Variants in ATXN7L3 observed in about 807,000 individuals in gnomAD.
ATXN7L3 encodes the protein ataxin 7 like 3.
In ATXN7L3, 6 loss-of-function variants were observed where a neutral mutation model predicts 50.0. That is an observed-to-expected ratio of 0.12 (90% confidence interval 0.07 to 0.24). The LOEUF (loss-of-function observed/expected upper bound fraction) is 0.24. Among genes scored for constraint, ATXN7L3 ranks in the 10% least tolerant of loss-of-function variants. The pLI, the probability that ATXN7L3 is intolerant of heterozygous loss-of-function variation, is 1.00. For missense variants in ATXN7L3, 322 were observed against 451.3 expected (o/e 0.71, Z 2.60); for synonymous variants, 198 against 165.8 (o/e 1.19, Z -1.49).
chr17:44,194,917 GCA>G, intron 10 of ATXN7L3, 78 bp from the exon 11 acceptor site: 4 of 1,542,318 alleles, frequency 2.6e-6, no homozygotes, highest in Non-Finnish European at 3.6e-6. Context: ...GGAGCCACAG[GCA>G]CAGACAGGGA....
At chr17:44,196,481 A>T in intron 5 of ATXN7L3, 63 bp from the exon 6 acceptor site, 2 of 1,596,230 alleles carry the variant, frequency 1.3e-6, no homozygotes, top group East Asian at 4.5e-5. Context: ...AAAGCATCTC[A>T]AGAAAACCAT....
chr17:44,199,577 G>T lies in ATXN7L3; in HGVS notation c.-142C>A. ...GGCGGCGACGGCGGCGGCTGCTCCG[G>T]AGCCCCATGTCCGTCGGTCCGTCCT... On this transcript the variant is annotated 5_prime_UTR_variant, in exon 1 of 13. Transcript: ENST00000587097. The T allele has an allele frequency of 6.7e-6, 1 of 148,406 alleles. No homozygotes were observed. Among genetic ancestry groups the T allele is most frequent in the South Asian group, 2.0e-4 (1 of 4,954 alleles). The allele number at this position is 148,406 out of a possible 1,614,324, so 9.2% of individuals were successfully genotyped here. A position where few individuals can be genotyped will look rare whatever the true frequency, so the allele number is the denominator to read the frequency against.
At chr17:44,198,151 G>T in intron 1 of ATXN7L3, 21 bp from the exon 2 acceptor site, 1 of 1,420,706 alleles carries the variant, frequency 7.0e-7, no homozygotes, top group Non-Finnish European at 9.8e-7. Flanking sequence ...GGGGGTGGGG[G>T]TGTTGTTGTG....
intron 11 of ATXN7L3, 24 bp downstream of exon 11, chr17:44,194,744 C>CA: frequency 1.2e-6 from 2 of 1,613,990 alleles, no homozygotes; most frequent in Non-Finnish European, 1.7e-6. Flanking sequence ...CACAACCCCC[C>CA]ACCCTTCCTG....
chr17:44,196,383 G>A lies in ATXN7L3; in HGVS notation c.477+13C>T, dbSNP rs1461516018. The A allele has an allele frequency of 6.2e-7, 1 of 1,613,814 alleles. No homozygotes were observed. Among genetic ancestry groups the A allele is most frequent in the African/African-American group, 1.3e-5 (1 of 74,834 alleles). ...TTACCCATTATTTCCCCAATGCCTG[G>A]CCCGGCTCTCACCTTGTCTGACTTT... On this transcript the variant is annotated intron_variant, in intron 6 of 12. Coordinates refer to ENST00000587097, the MANE Select transcript of ATXN7L3 (RefSeq NM_001382309.1).
In ATXN7L3 at chr17:44,194,344, G is replaced by A. The variant is rs1156677444; in HGVS notation, c.963C>T (p.Ala321=). 19 of 1,614,098 alleles carry A rather than the reference G, an allele frequency of 1.2e-5. No individual in the cohort carries two copies. Among genetic ancestry groups the A allele is most frequent in the South Asian group, 4.4e-5 (4 of 91,090 alleles). ...KKSHLSLVGT[A]SGLGSNKKKK... ...TCTTCTTGTTGGAACCTAGGCCGGA[G>A]GCAGTCCCTACCAGGCTCAGATGGG... is the stretch of plus-strand genomic sequence containing the variant. The change falls in exon 13 of 13, where the codon GCC becomes GCT. Residue 321 remains alanine (A), a synonymous_variant. Transcript: ENST00000587097.
At chr17:44,198,316 C>A in intron 1 of ATXN7L3, 186 bp from the exon 2 acceptor site, 1 of 502,534 alleles carries the variant, frequency 2.0e-6, no homozygotes, top group Non-Finnish European at 3.5e-6. Flanking sequence ...CTAGTCTTTC[C>A]CAGGCCTGAG....
Position 44,194,207 on chromosome 17 carries a change from G to C in ATXN7L3, c.*56C>G. On this transcript the variant is annotated 3_prime_UTR_variant, in exon 13 of 13. Coordinates refer to ENST00000587097, the MANE Select transcript of ATXN7L3 (RefSeq NM_001382309.1). ...TCCATTTGCCAGGCTATGCCACCTGGGTGGGGGTCAGGAGAGAGGGCTCTG... is the reference window on the plus strand; with the variant it reads ...TCCATTTGCCAGGCTATGCCACCTGCGTGGGGGTCAGGAGAGAGGGCTCTG... The C allele has an allele frequency of 1.3e-6, 2 of 1,583,354 alleles. No individual in the cohort carries two copies. Among genetic ancestry groups the C allele is most frequent in the Non-Finnish European group, 1.7e-6 (2 of 1,164,522 alleles).
At position 44,196,063 on chromosome 17, in the gene ATXN7L3, C is replaced by T; in HGVS notation, c.494G>A (p.Arg165Gln). The change falls in exon 7 of 13, where the codon CGA (arginine) becomes CAA (glutamine). Residue 165 changes from arginine to glutamine, a missense_variant. Physicochemically the swap from Arg to Gln is conservative, Grantham distance 43 (BLOSUM62 1). Around this residue, in one of 5 missense-constraint regions of ATXN7L3, gnomAD observed 95 missense variants for 98.1 expected, o/e 0.97. Coordinates refer to ENST00000587097, the MANE Select transcript of ATXN7L3 (RefSeq NM_001382309.1). The part of the protein sequence containing the change: ...RKSDKNPNSP[R>Q]RSKSLKHKNG... ...TTTGTGTTTTAATGACTTGGATCTT[C>T]GAGGGGAATTGGGGTTCTGGAATGG... 2 of 1,612,998 alleles carry T rather than the reference C, an allele frequency of 1.2e-6. No homozygotes were observed. The highest frequency in any genetic ancestry group is 1.7e-6 in the Non-Finnish European group (2 of 1,179,398).
At chr17:44,197,529 T>C (rs1251919103) in intron 3 of ATXN7L3, 69 bp downstream of exon 3, 1 of 1,609,074 alleles carries the variant, frequency 6.2e-7, no homozygotes, top group Admixed American at 1.7e-5. Flanking sequence ...TAGCACAGTT[T>C]CCAGAGAAGG....
chr17:44,194,635 G>A lies in ATXN7L3; in HGVS notation c.777C>T (p.Ser259=), dbSNP rs975731388. 6.2e-7 allele frequency: 1 copy of A among 1,613,922 alleles called. No homozygotes were observed. The highest frequency in any genetic ancestry group is 8.5e-7 in the Non-Finnish European group (1 of 1,180,044). ...PEVESSLDND[S]FDMTDSQALI... The stretch of plus-strand genomic sequence containing the variant: ...GGGCCTGGCTGTCAGTCATGTCAAA[G>A]CTGTCATTATCCAGGGAGCTCTCGA... Residue 259 remains serine, a synonymous_variant, in exon 12 of 13, where the codon AGC becomes AGT. Coordinates refer to ENST00000587097, the MANE Select transcript of ATXN7L3 (RefSeq NM_001382309.1).
chr17:44,197,186 A>G (rs1457918941), intron 4 of ATXN7L3, 42 bp downstream of exon 4: 4 of 1,574,690 alleles, frequency 2.5e-6, no homozygotes, highest in African/African-American at 1.3e-5. Flanking sequence ...GGACTACACC[A>G]TGGCACAGGC....
rs543725380 is a variant in ATXN7L3 at position 44,193,876 on chromosome 17, C to T, written c.*387G>A. ...GCTCAGCTTCCAACCCACAGCCTCC[C>T]GGGTCGCCACATTGCCCCTCAGCAG... is the stretch of plus-strand genomic sequence containing the variant. On this transcript the variant is annotated 3_prime_UTR_variant, in exon 13 of 13. Transcript: ENST00000587097. 3.1e-5 allele frequency: 6 copies of T among 193,692 alleles called. No homozygotes were observed. Among genetic ancestry groups the T allele is most frequent in the South Asian group, 2.0e-4 (2 of 9,792 alleles). 12.0% of individuals were successfully genotyped at this position (193,692 alleles called of 1,614,324 possible). A position where few individuals can be genotyped will look rare whatever the true frequency, so the allele number is the denominator to read the frequency against.
At position 44,194,429 on chromosome 17, in the gene ATXN7L3, C is replaced by T. The variant is rs765017230; in HGVS notation, c.896-18G>A. 1.2e-6 allele frequency: 2 copies of T among 1,613,942 alleles called. No individual in the cohort carries two copies. The highest frequency in any genetic ancestry group is 4.5e-5 in the East Asian group (2 of 44,884). On this transcript the variant is annotated intron_variant, in intron 12 of 12. Coordinates refer to ENST00000587097, the MANE Select transcript of ATXN7L3 (RefSeq NM_001382309.1). Reference sequence around the variant, plus strand: ...GTTGGTACCTGTAGAGAAAGAGACACAAGGGATGAGAGTATGGTTATGGCA... The same window carrying T: ...GTTGGTACCTGTAGAGAAAGAGACATAAGGGATGAGAGTATGGTTATGGCA...
chr17:44,198,358 T>C, intron 1 of ATXN7L3: 2 of 422,240 alleles, frequency 4.7e-6, no homozygotes, highest in Non-Finnish European at 8.4e-6. Context: ...CCAATCAGAG[T>C]CTGGGTCTAT....
intron 9 of ATXN7L3, 106 bp downstream of exon 9, chr17:44,195,313 G>T (rs1000673194): frequency 7.2e-6 from 10 of 1,385,004 alleles, no homozygotes; most frequent in Non-Finnish European, 1.0e-5. Context: ...CAGAGAGAAC[G>T]ATACGGCCCT....
rs777891817 is a variant in ATXN7L3, at chr17:44,198,004, G to A, written c.51+16C>T. 8.7e-6 allele frequency: 14 copies of A among 1,611,958 alleles called. No homozygotes were observed. The highest frequency in any genetic ancestry group is 2.7e-5 in the African/African-American group (2 of 74,854). ...TCAAGAGAAAGAACTGGAGGCACAC[G>A]TGGGGGAGCCCTCACCTCTAGTTTG... On this transcript the variant is annotated intron_variant, in intron 2 of 12. Transcript: ENST00000587097.
In ATXN7L3 at chr17:44,194,504, C is replaced by A. The variant is rs376483006; in HGVS notation, c.895+13G>T. ...TGGGCACAGAGCCCCTAGGGCCCAA[C>A]TGCATCACGTACCTAGACCCCATCC... On this transcript the variant is annotated intron_variant, in intron 12 of 12. Coordinates refer to ENST00000587097, the MANE Select transcript of ATXN7L3 (RefSeq NM_001382309.1). The A allele has an allele frequency of 6.2e-7, 1 of 1,613,400 alleles. No homozygotes were observed. The highest frequency in any genetic ancestry group is 8.5e-7 in the Non-Finnish European group (1 of 1,179,916).
In ATXN7L3 at chr17:44,194,789, A is replaced by T; in HGVS notation, c.716T>A (p.Ile239Asn). ...HTDEQRRTVR[I>N]YFLGPSAVLP... is the part of the protein sequence containing the mutation. Reference sequence around the variant, plus strand: ...TTACGCCGAGGGCCCGAGAAAATAAATCCGTACGGTTCGCCTCTGCTCATC... The same window carrying T: ...TTACGCCGAGGGCCCGAGAAAATAATTCCGTACGGTTCGCCTCTGCTCATC... The change falls in exon 11 of 13, where the codon ATT becomes AAT. Residue 239 changes from isoleucine to asparagine, a missense_variant. By Grantham distance (149) the Ile-to-Asn change is moderately radical. This residue lies in a region of ATXN7L3 where 24 missense variants were observed against 52.6 expected (regional missense o/e 0.46). Transcript: ENST00000587097. 1 of 1,614,114 alleles carries T rather than the reference A, an allele frequency of 6.2e-7. No individual in the cohort carries two copies. The highest frequency in any genetic ancestry group is 8.5e-7 in the Non-Finnish European group (1 of 1,180,010).
Sources: allele counts gnomAD v4.1 joint callset, GRCh38; gene constraint gnomAD v4.1.1; regional missense constraint gnomAD v4.1.1; transcripts MANE v1.5; gene names NCBI Gene and HGNC (gene_info 2026-07-23, HGNC 2026-07-21).